The following PI4KA variants were observed in gnomAD, a reference collection of about 807,000 sequenced individuals.
PI4KA encodes phosphatidylinositol 4-kinase alpha, also known as PI4-kinase alpha.
Under a neutral mutation model 271.4 loss-of-function variants are expected in PI4KA, and 122 were observed. The observed-to-expected ratio is 0.45, with a 90% CI of 0.39 to 0.52. The LOEUF is 0.52. Among genes scored for constraint, PI4KA ranks in the 20% least tolerant of loss-of-function variants. The pLI, the probability that PI4KA is intolerant of heterozygous loss-of-function variation, is 0.00. For synonymous variants in PI4KA, 1,041 were observed against 1,078.8 expected (o/e 0.96, Z 0.69); for missense variants, 1,969 against 2,769.1 (o/e 0.71, Z 6.48).
chr22:20,833,952 C>T (rs565062347), intron 3 of PI4KA, among the ~76,000 whole-genome samples: 1 of 152,140 alleles, frequency 6.6e-6, no homozygotes, highest in African/African-American at 2.4e-5. Context: ...GCCACCACGC[C>T]CGGCCGACCC....
In PI4KA at chr22:20,821,347, T is replaced by C. The variant is rs1446060628; in HGVS notation, c.457-736A>G. 1.7e-4 allele frequency among the ~76,000 whole-genome samples: 25 copies of C among 150,748 alleles called. No homozygotes were observed. The East Asian group carries it at 1.9e-3, about 11-fold the overall frequency. On this transcript the variant is annotated intron_variant, in intron 4 of 54. Coordinates refer to ENST00000255882, the MANE Select transcript of PI4KA (RefSeq NM_058004.4). The stretch of plus-strand genomic sequence containing the variant: ...GATTCTCCTGACTCAGTCTCCTGAG[T>C]AGCTAAGATTACAGGTGCATGCCAC...
rs763138146 is a variant in PI4KA, at chr22:20,794,496, T to TA, written c.2278-1254dup. Among the ~76,000 whole-genome samples, 3 of 152,144 alleles carry TA rather than the reference T, an allele frequency of 2.0e-5. No individual in the cohort carries two copies. The East Asian group carries it at 5.8e-4, about 29-fold the overall frequency. On this transcript the variant is annotated intron_variant, in intron 18 of 54. Transcript: ENST00000255882. ...TACCCCACTGGGAGACTTGGGAAGT[T>TA]AGTCAGCCACATGACTGTCGGAGGG...
At chr22:20,744,800 A>G (rs1455661757) in intron 29 of PI4KA, 80 bp from the exon 30 acceptor site, 2 of 1,151,750 alleles carry the variant, frequency 1.7e-6, no homozygotes, top group Non-Finnish European at 2.6e-6. Flanking sequence ...CCTAAACCCA[A>G]TGAAGCAGTC....
At chr22:20,751,162 T>C (rs2147327157) in intron 27 of PI4KA, 131 bp downstream of exon 27, 1 of 689,586 alleles carries the variant, frequency 1.5e-6, no homozygotes, top group South Asian at 1.9e-5. Flanking sequence ...CACTGGGGGA[T>C]GGGGCCAGCA....
At chr22:20,820,718 C>A in intron 4 of PI4KA, 107 bp from the exon 5 acceptor site, 2 of 764,260 alleles carry the variant, frequency 2.6e-6, no homozygotes, top group Non-Finnish European at 4.4e-6. Context: ...CTTAACCAAC[C>A]CCATATATGA....
At chr22:20,787,878 G>A (rs948148492) in intron 19 of PI4KA, among the ~76,000 whole-genome samples, 5 of 152,184 alleles carry the variant, frequency 3.3e-5, no homozygotes, top group African/African-American at 1.2e-4. Flanking sequence ...GGTGTGTGCT[G>A]AATCCTGGGG....
intron 19 of PI4KA, among the ~76,000 whole-genome samples, chr22:20,772,847 T>C (rs1932944163): frequency 6.6e-6 from 1 of 152,190 alleles, no homozygotes; most frequent in African/African-American, 2.4e-5. Context: ...CCCAGCACTT[T>C]GCAAGGCTGA....
intron 32 of PI4KA, among the ~76,000 whole-genome samples, chr22:20,735,737 G>A (rs1041401962): frequency 6.6e-6 from 1 of 152,254 alleles, no homozygotes; most frequent in Non-Finnish European, 1.5e-5. Flanking sequence ...GGGAGCCCGG[G>A]GCGGGGCTCT....
chr22:20,779,614 T>C, intron 19 of PI4KA: 1 of 1,614,216 alleles, frequency 6.2e-7, no homozygotes, highest in Non-Finnish European at 8.5e-7. Context: ...AGTCTGTCAG[T>C]TTCCCCGACA....
chr22:20,760,463 G>A (rs1403396350), intron 23 of PI4KA, among the ~76,000 whole-genome samples: 1 of 151,816 alleles, frequency 6.6e-6, no homozygotes, highest in Non-Finnish European at 1.5e-5. Flanking sequence ...CTTTTTATTG[G>A]CTAAATACAC....
chr22:20,742,981 TG>T (rs1929643749), intron 30 of PI4KA: 1 of 558,016 alleles, frequency 1.8e-6, no homozygotes, highest in African/African-American at 1.9e-5. Context: ...AAATGCATGT[TG>T]GCAGTGCCAC....
intron 3 of PI4KA, among the ~76,000 whole-genome samples, chr22:20,828,245 G>A (rs1204963495): frequency 6.6e-6 from 1 of 152,114 alleles, no homozygotes. Context: ...TCAGATCAAG[G>A]GGCTTTGGGC....
intron 10 of PI4KA, among the ~76,000 whole-genome samples, chr22:20,806,537 G>A (rs1475305921): frequency 6.6e-6 from 1 of 151,820 alleles, no homozygotes; most frequent in Non-Finnish European, 1.5e-5. Flanking sequence ...AGACGTGGTG[G>A]CACATGCCTG....
At chr22:20,780,314 G>C in intron 19 of PI4KA, 1 of 1,515,150 alleles carries the variant, frequency 6.6e-7, no homozygotes, top group Non-Finnish European at 9.1e-7. Context: ...AGGAAAACTA[G>C]ACACAAGATT....
At chr22:20,811,866 A>T (rs1424544984) in intron 8 of PI4KA, among the ~76,000 whole-genome samples, 1 of 151,922 alleles carries the variant, frequency 6.6e-6, no homozygotes, top group African/African-American at 2.4e-5. Flanking sequence ...ACAAAAACTT[A>T]GCCGGGCGTG....
intron 29 of PI4KA, among the ~76,000 whole-genome samples, chr22:20,745,178 G>T (rs1204916697): frequency 6.6e-6 from 1 of 152,058 alleles, no homozygotes; most frequent in Non-Finnish European, 1.5e-5. Context: ...GACAGAAAAG[G>T]GTACACCTTG....
intron 32 of PI4KA, among the ~76,000 whole-genome samples, chr22:20,740,889 AAGGT>A (rs1165152581): frequency 2.6e-5 from 4 of 152,254 alleles, no homozygotes; most frequent in African/African-American, 9.6e-5. Context: ...ATCAAAGATG[AAGGT>A]GAACTAAGAT....
In PI4KA at chr22:20,752,812, A is replaced by G. The variant is rs1769400886; in HGVS notation, c.2987+91T>C. 3.6e-6 allele frequency: 5 copies of G among 1,373,940 alleles called. No individual in the cohort carries two copies. In the South Asian group the frequency reaches 5.0e-5, roughly 14 times the overall value. 85.1% of individuals were successfully genotyped at this position (1,373,940 alleles called of 1,614,324 possible). ...TCATTCTGACTCCATTTTTTCCTAG[A>G]TTAATAATATAAGGATGATTTTTCC... On this transcript the variant is annotated intron_variant, in intron 25 of 54. Coordinates refer to ENST00000255882, the MANE Select transcript of PI4KA (RefSeq NM_058004.4).
At chr22:20,764,018 C>T (rs4822497) in intron 22 of PI4KA, among the ~76,000 whole-genome samples, 74,072 of 152,054 alleles carry the variant, frequency 0.49, 18,572 homozygotes, top group African/African-American at 0.59. Context: ...TAGCCTTTCT[C>T]TCAGGAACAC....
Sources: allele counts gnomAD v4.1 joint callset (sites outside exome capture counted in the v4.1 genomes callset), GRCh38; gene constraint gnomAD v4.1.1; transcripts MANE v1.5; gene names NCBI Gene and HGNC (gene_info 2026-07-23, HGNC 2026-07-21).